EPHA3: variants seen among roughly 807,000 people sequenced by gnomAD.
EPHA3 encodes EPH receptor A3.
A neutral mutation model predicts 107.1 loss-of-function variants in EPHA3; 42 were observed. The ratio of observed to expected loss-of-function variants is 0.39; its 90% CI spans 0.31 to 0.51. EPHA3 has a LOEUF of 0.51. Ranked by LOEUF, EPHA3 falls within the 20% of genes least tolerant of loss-of-function variation. EPHA3 has a pLI of 0.78. For synonymous variants in EPHA3, 461 were observed against 424.8 expected, an observed-to-expected ratio of 1.09 and a Z score of -1.05; for missense variants, 1,183 against 1,211.2, an observed-to-expected ratio of 0.98 and a Z score of 0.35.
rs181879932 is a variant in EPHA3, at chr3:89,116,062, G to C, written c.88+8226G>C. Among the ~76,000 whole-genome samples the C allele has an allele frequency of 2.3e-3, 346 of 152,202 alleles. 2 individuals carry two copies. The highest frequency in any genetic ancestry group is 0.014 in the South Asian group (66 of 4,820). Reference sequence around the variant, plus strand: ...TCATAAGTTATGATTATCTGCGTGTGGGGGGGACCCACTAAGAAACTAAGT... The same window carrying C: ...TCATAAGTTATGATTATCTGCGTGTCGGGGGGACCCACTAAGAAACTAAGT... On this transcript the variant is annotated intron_variant, in intron 1 of 16. Transcript: ENST00000336596.
chr3:89,435,561 A>C (rs1423648346), intron 13 of EPHA3, among the ~76,000 whole-genome samples: 1 of 145,754 alleles, frequency 6.9e-6, no homozygotes. Context: ...TATATATACT[A>C]TATAGTATAT....
At chr3:89,199,692 G>A (rs1705925684) in intron 2 of EPHA3, among the ~76,000 whole-genome samples, 1 of 151,998 alleles carries the variant, frequency 6.6e-6, no homozygotes, top group Non-Finnish European at 1.5e-5. Context: ...TCAAAAATCT[G>A]AATTATAAAT....
chr3:89,332,917 TA>T (rs1386436119), intron 3 of EPHA3, among the ~76,000 whole-genome samples: 5 of 151,334 alleles, frequency 3.3e-5, no homozygotes, highest in East Asian at 1.9e-4. Context: ...ATGTTTCTTC[TA>T]AAAGTCAACC....
At chr3:89,170,796 A>C (rs1478317167) in intron 2 of EPHA3, among the ~76,000 whole-genome samples, 1 of 152,188 alleles carries the variant, frequency 6.6e-6, no homozygotes. Context: ...TTTGAGAGCA[A>C]TTTGAGAGCA....
intron 6 of EPHA3, among the ~76,000 whole-genome samples, 181 bp downstream of exon 6, chr3:89,396,142 A>AC (rs1459745144): frequency 1.3e-5 from 2 of 152,006 alleles, no homozygotes; most frequent in Non-Finnish European, 2.9e-5. Context: ...CTTGTTGAAT[A>AC]CCCCCTATTC....
intron 2 of EPHA3, among the ~76,000 whole-genome samples, chr3:89,208,973 A>G: frequency 6.6e-6 from 1 of 152,192 alleles, no homozygotes; most frequent in Non-Finnish European, 1.5e-5. Flanking sequence ...CTGGTCTAAT[A>G]GTTTTAGGAT....
intron 2 of EPHA3, among the ~76,000 whole-genome samples, chr3:89,173,360 A>C (rs1305556667): frequency 1.3e-5 from 2 of 152,136 alleles, no homozygotes; most frequent in Non-Finnish European, 2.9e-5. Flanking sequence ...CAACCCTTAC[A>C]TAGGCAGTAA....
At chr3:89,470,004 G>A (rs1710368238) in intron 15 of EPHA3, among the ~76,000 whole-genome samples, 1 of 151,760 alleles carries the variant, frequency 6.6e-6, no homozygotes, top group Non-Finnish European at 1.5e-5. Context: ...TTTATTGAAA[G>A]ATTCTGAAGA....
intron 2 of EPHA3, among the ~76,000 whole-genome samples, chr3:89,146,456 G>A (rs9842523): frequency 0.23 from 34,410 of 151,828 alleles, 4,051 homozygotes; most frequent in Middle Eastern, 0.33. Flanking sequence ...AGAAGTGTCT[G>A]TTCATATCCT....
rs556466621 is a variant in EPHA3 at position 89,350,696 on chromosome 3, C to T, written c.1306+8606C>T. Among the ~76,000 whole-genome samples, 455 of 151,054 alleles carry T rather than the reference C, an allele frequency of 3.0e-3. 13 individuals are homozygous for T. Among genetic ancestry groups the T allele is most frequent in the Non-Finnish European group, 4.9e-3 (329 of 67,476 alleles). On this transcript the variant is annotated intron_variant, in intron 5 of 16. Coordinates refer to ENST00000336596, the MANE Select transcript of EPHA3 (RefSeq NM_005233.6). ...CCTTTGGAGGAGGAGAGGCGCTCTG[C>T]GTTTTAGAGTTTCCAGTTTTTCTGT...
In EPHA3 at chr3:89,429,180, C is replaced by T. The variant is rs746265389; in HGVS notation, c.2136+13C>T. 2 of 1,588,468 alleles carry T rather than the reference C, an allele frequency of 1.3e-6. No homozygotes were observed. The highest frequency in any genetic ancestry group is 1.1e-5 in the South Asian group (1 of 90,350). ...TAGTTTCCTACGTGTAAGTAAGATGCACACACATACATATATATGAATAAA... is the reference window on the plus strand; with the variant it reads ...TAGTTTCCTACGTGTAAGTAAGATGTACACACATACATATATATGAATAAA... On this transcript the variant is annotated intron_variant, in intron 12 of 16. Transcript: ENST00000336596.
chr3:89,235,123 T>C (rs1380101645), intron 3 of EPHA3, among the ~76,000 whole-genome samples: 1 of 145,430 alleles, frequency 6.9e-6, no homozygotes, highest in African/African-American at 2.5e-5. Flanking sequence ...GGTTTCTCCA[T>C]GTTGGCCAGT....
chr3:89,435,309 G>T (rs1200284136), intron 13 of EPHA3, among the ~76,000 whole-genome samples: 1 of 151,338 alleles, frequency 6.6e-6, no homozygotes, highest in African/African-American at 2.4e-5. Context: ...ATAAAATCTG[G>T]TCTCGATAAG....
intron 10 of EPHA3, among the ~76,000 whole-genome samples, chr3:89,415,982 A>G (rs1709239119): frequency 6.6e-6 from 1 of 151,222 alleles, no homozygotes; most frequent in Non-Finnish European, 1.5e-5. Context: ...TTTTTTTTTG[A>G]GGATTAAACA....
intron 3 of EPHA3, among the ~76,000 whole-genome samples, chr3:89,245,174 A>G (rs1177572971): frequency 3.9e-5 from 6 of 152,154 alleles, no homozygotes; most frequent in Non-Finnish European, 8.8e-5. Flanking sequence ...GTCTTTTTTG[A>G]ACAACTTTGA....
intron 2 of EPHA3, among the ~76,000 whole-genome samples, chr3:89,164,370 G>A (rs1705016263): frequency 6.6e-6 from 1 of 152,214 alleles, no homozygotes; most frequent in Admixed American, 6.5e-5. Context: ...CACTGGCTGT[G>A]GGTTGAACAA....
At chr3:89,276,397 G>A (rs1705808031) in intron 3 of EPHA3, among the ~76,000 whole-genome samples, 1 of 152,044 alleles carries the variant, frequency 6.6e-6, no homozygotes, top group East Asian at 1.9e-4. Context: ...CTTTAAACTG[G>A]ATACATTTTG....
chr3:89,288,537 C>T (rs1576291115), intron 3 of EPHA3, among the ~76,000 whole-genome samples: 1 of 152,076 alleles, frequency 6.6e-6, no homozygotes, highest in South Asian at 2.1e-4. Context: ...TCTATTACTG[C>T]ATGGTTTTCA....
chr3:89,230,924 C>A (rs556489421), intron 3 of EPHA3, among the ~76,000 whole-genome samples: 34 of 151,860 alleles, frequency 2.2e-4, no homozygotes, highest in African/African-American at 7.7e-4. Flanking sequence ...GATGTACAGG[C>A]ATGGTCGTGC....
Sources: gnomAD v4.1 joint callset for allele counts (sites outside exome capture counted in the v4.1 genomes callset) on GRCh38, gnomAD v4.1.1 for gene constraint, MANE v1.5 for transcripts, NCBI Gene and HGNC (gene_info 2026-07-23, HGNC 2026-07-21) for gene names.